Variants in GRXCR2 observed in about 807,000 individuals in gnomAD.
GRXCR2 encodes glutaredoxin domain-containing cysteine-rich protein 2.
Under a neutral mutation model 24.8 loss-of-function variants are expected in GRXCR2, and 23 were observed. The observed-to-expected ratio is 0.93, with a 90% CI of 0.67 to 1.32. GRXCR2 has a LOEUF of 1.32. Among genes scored for constraint, GRXCR2 ranks in the 40% most tolerant of loss-of-function variants. GRXCR2 has a pLI of 0.00. For missense variants in GRXCR2, 315 were observed against 303.4 expected (o/e 1.04, Z -0.28); for synonymous variants, 130 against 116.1 (o/e 1.12, Z -0.77).
At chr5:145,861,293 G>A (rs936940712) in intron 2 of GRXCR2, among the ~76,000 whole-genome samples, 2 of 152,144 alleles carry the variant, frequency 1.3e-5, no homozygotes, top group African/African-American at 4.8e-5. Context: ...CCTTTTTAAT[G>A]AACACTTGCC....
At chr5:145,868,802 G>A (rs1581331823) in intron 1 of GRXCR2, among the ~76,000 whole-genome samples, 1 of 152,204 alleles carries the variant, frequency 6.6e-6, no homozygotes, top group African/African-American at 2.4e-5. Context: ...CAAAGATGGA[G>A]GGTCTCAAGT....
intron 2 of GRXCR2, among the ~76,000 whole-genome samples, chr5:145,931,271 A>G (rs1757473959): frequency 6.6e-6 from 1 of 152,142 alleles, no homozygotes; most frequent in Non-Finnish European, 1.5e-5. Context: ...AACTCAAGCC[A>G]TCCGCCTGCC....
chr5:145,879,938 C>A (rs541145884), intron 2 of GRXCR2, among the ~76,000 whole-genome samples: 1 of 152,092 alleles, frequency 6.6e-6, no homozygotes, highest in Non-Finnish European at 1.5e-5. Flanking sequence ...TGCTCCTGAA[C>A]AACTACTGGG....
chr5:145,880,419 T>A (rs893452616), intron 2 of GRXCR2, among the ~76,000 whole-genome samples: 4 of 151,960 alleles, frequency 2.6e-5, no homozygotes, highest in African/African-American at 9.7e-5. Context: ...CATAAACACG[T>A]CTATGCAAAT....
In GRXCR2 at chr5:145,859,771, C is replaced by T. The variant is rs768725056; in HGVS notation, c.709G>A (p.Glu237Lys). The T allele has an allele frequency of 2.2e-5, 36 of 1,614,130 alleles. No homozygotes were observed. Among genetic ancestry groups the T allele is most frequent in the Non-Finnish European group, 2.5e-5 (30 of 1,180,056 alleles). ...ATCTGGCAAGGCTGTAGGCCATTCTCATTGCAGGCAGGGCACCTCAGGGCC... is the reference window on the plus strand; with the variant it reads ...ATCTGGCAAGGCTGTAGGCCATTCTTATTGCAGGCAGGGCACCTCAGGGCC... ...YRALRCPACN[E>K]NGLQPCQICN... Residue 237 changes from glutamate to lysine, a missense_variant, in exon 3 of 3, where the codon GAG (glutamate) becomes AAG (lysine). Physicochemically the swap from Glu to Lys is moderately conservative, Grantham distance 56. Coordinates refer to ENST00000377976, the MANE Select transcript of GRXCR2 (RefSeq NM_001080516.2).
At chr5:145,897,164 T>C (rs566284067) in intron 2 of GRXCR2, among the ~76,000 whole-genome samples, 18 of 146,078 alleles carry the variant, frequency 1.2e-4, no homozygotes, top group Admixed American at 4.8e-4. Flanking sequence ...CATTAGGAGA[T>C]ACACCTAATG....
intron 2 of GRXCR2, among the ~76,000 whole-genome samples, chr5:145,902,738 C>A (rs1757040817): frequency 1.3e-5 from 2 of 152,202 alleles, no homozygotes; most frequent in Non-Finnish European, 2.9e-5. Context: ...AATCAAATAA[C>A]AGCAAACATT....
intron 2 of GRXCR2, among the ~76,000 whole-genome samples, chr5:145,927,038 T>C (rs1010704377): frequency 6.6e-6 from 1 of 152,186 alleles, no homozygotes; most frequent in Non-Finnish European, 1.5e-5. Context: ...TTGTCTGTTA[T>C]TGGTGTATAA....
chr5:145,866,711 A>G lies in GRXCR2; in HGVS notation c.354T>C (p.Asp118=), dbSNP rs1756443947. The G allele has an allele frequency of 1.2e-6, 2 of 1,607,502 alleles. No individual in the cohort carries two copies. The highest frequency in any genetic ancestry group is 1.1e-5 in the South Asian group (1 of 90,908). The change falls in exon 2 of 3, where the codon GAT becomes GAC. Residue 118 remains aspartate (D), a synonymous_variant. Coordinates refer to ENST00000377976, the MANE Select transcript of GRXCR2 (RefSeq NM_001080516.2). ...ANDHKPLPII[D]FGKIIIYTNN... The stretch of plus-strand genomic sequence containing the variant: ...TAGTGTAGATGATTATCTTTCCAAA[A>G]TCTATAATAGGTAGGGGCTAGAGAA...
At chr5:145,878,204 T>C (rs1401526567) in intron 2 of GRXCR2, among the ~76,000 whole-genome samples, 2 of 152,126 alleles carry the variant, frequency 1.3e-5, no homozygotes, top group African/African-American at 2.4e-5. Flanking sequence ...CTTTGATGAG[T>C]TGACAGAAGT....
intron 2 of GRXCR2, among the ~76,000 whole-genome samples, chr5:145,865,778 T>C (rs563755071): frequency 6.6e-6 from 1 of 152,332 alleles, no homozygotes; most frequent in Non-Finnish European, 1.5e-5. Flanking sequence ...CTTTACATGA[T>C]GTCTTCCAGG....
chr5:145,923,128 T>C (rs1757348340), intron 2 of GRXCR2, among the ~76,000 whole-genome samples: 1 of 152,240 alleles, frequency 6.6e-6, no homozygotes, highest in African/African-American at 2.4e-5. Flanking sequence ...AGATTGCTGG[T>C]GCCATCTCCA....
intron 2 of GRXCR2, among the ~76,000 whole-genome samples, chr5:145,909,396 T>C (rs1757133796): frequency 1.6e-5 from 1 of 62,038 alleles, no homozygotes; most frequent in Non-Finnish European, 2.7e-5. Context: ...CTGCTCATTC[T>C]GTTTCTCAGC....
chr5:145,924,821 C>A (rs1442735838), intron 2 of GRXCR2, among the ~76,000 whole-genome samples: 1 of 152,084 alleles, frequency 6.6e-6, no homozygotes, highest in Admixed American at 6.6e-5. Context: ...CCAATCCCAC[C>A]CCCTCTTAAA....
At chr5:145,897,893 A>G (rs1272341148) in intron 2 of GRXCR2, among the ~76,000 whole-genome samples, 1 of 152,154 alleles carries the variant, frequency 6.6e-6, no homozygotes, top group East Asian at 1.9e-4. Flanking sequence ...ACAATCTAAC[A>G]TCACACCTAG....
At chr5:145,919,000 C>T (rs994896312) in intron 2 of GRXCR2, among the ~76,000 whole-genome samples, 1 of 152,158 alleles carries the variant, frequency 6.6e-6, no homozygotes, top group African/African-American at 2.4e-5. Flanking sequence ...TACTAAGTTT[C>T]CCGCATCACC....
At chr5:145,888,583 T>G (rs1336037063) in intron 2 of GRXCR2, among the ~76,000 whole-genome samples, 1 of 152,168 alleles carries the variant, frequency 6.6e-6, no homozygotes, top group Non-Finnish European at 1.5e-5. Flanking sequence ...TTAGAAAATC[T>G]ACATAAAAAT....
chr5:145,922,719 T>C (rs1757339406), intron 2 of GRXCR2, among the ~76,000 whole-genome samples: 1 of 152,248 alleles, frequency 6.6e-6, no homozygotes, highest in South Asian at 2.1e-4. Flanking sequence ...GGGACTCATA[T>C]GGTCCAGTAT....
At chr5:145,906,663 T>C (rs887956454) in intron 2 of GRXCR2, among the ~76,000 whole-genome samples, 9 of 152,330 alleles carry the variant, frequency 5.9e-5, no homozygotes, top group African/African-American at 1.4e-4. Context: ...TTGGGCACTG[T>C]GTTAATCCCT....
Sources: allele counts gnomAD v4.1 joint callset (sites outside exome capture counted in the v4.1 genomes callset), GRCh38; gene constraint gnomAD v4.1.1; transcripts MANE v1.5; gene names NCBI Gene and HGNC (gene_info 2026-07-23, HGNC 2026-07-21).